The following PPP1R9A variants were observed in gnomAD, a reference collection of about 807,000 sequenced individuals.
PPP1R9A encodes protein phosphatase 1 regulatory subunit 9A, also known as neurabin-1.
PPP1R9A carries 59 observed loss-of-function variants against 141.9 expected under a neutral mutation model. That is an observed-to-expected ratio of 0.42 (90% confidence interval 0.34 to 0.52). PPP1R9A has a LOEUF of 0.52. Among genes scored for constraint, PPP1R9A ranks in the 20% least tolerant of loss-of-function variants. The probability of loss-of-function intolerance (pLI) is 0.10; values close to 1 mark genes in which losing one functional copy is unlikely to be tolerated. For synonymous variants in PPP1R9A, 500 were observed against 569.7 expected (o/e 0.88, Z 1.74); for missense variants, 1,444 against 1,611.9 (o/e 0.90, Z 1.78).
At chr7:95,289,370 A>T (rs1805973724) in intron 19 of PPP1R9A, among the ~76,000 whole-genome samples, 1 of 152,212 alleles carries the variant, frequency 6.6e-6, no homozygotes, top group South Asian at 2.1e-4. Flanking sequence ...TCTCTTGACA[A>T]TCTTGAAAAG....
chr7:95,272,980 C>T (rs1008761511), intron 14 of PPP1R9A, among the ~76,000 whole-genome samples: 1 of 152,172 alleles, frequency 6.6e-6, no homozygotes, highest in African/African-American at 2.4e-5. Flanking sequence ...ATTGGATATG[C>T]TGAAACGTGA....
At chr7:95,122,542 T>G (rs1421466651) in intron 4 of PPP1R9A, among the ~76,000 whole-genome samples, 3 of 152,206 alleles carry the variant, frequency 2.0e-5, no homozygotes, top group Non-Finnish European at 2.9e-5. Context: ...AAACCACACC[T>G]TATATCTTCT....
At chr7:95,029,900 A>G (rs919673712) in intron 2 of PPP1R9A, among the ~76,000 whole-genome samples, 2 of 152,180 alleles carry the variant, frequency 1.3e-5, no homozygotes, top group African/African-American at 2.4e-5. Context: ...TACATTTACT[A>G]AGTTTACATG....
intron 2 of PPP1R9A, among the ~76,000 whole-genome samples, chr7:95,063,966 T>C (rs2152095312): frequency 6.6e-6 from 1 of 152,324 alleles, no homozygotes; most frequent in South Asian, 2.1e-4. Flanking sequence ...CCTTATAAAT[T>C]TACTATAAAA....
intron 4 of PPP1R9A, among the ~76,000 whole-genome samples, chr7:95,125,979 T>C (rs1823498627): frequency 6.6e-6 from 1 of 152,160 alleles, no homozygotes; most frequent in African/African-American, 2.4e-5. Context: ...GATGGAAACT[T>C]GTTTTAATTG....
chr7:94,968,580 T>C (rs1224699129), intron 2 of PPP1R9A, among the ~76,000 whole-genome samples: 1 of 152,190 alleles, frequency 6.6e-6, no homozygotes, highest in East Asian at 1.9e-4. Flanking sequence ...TTTGAGCCTA[T>C]GTGTGTCTTA....
intron 4 of PPP1R9A, among the ~76,000 whole-genome samples, chr7:95,143,419 CTTA>C (rs1006676448): frequency 1.3e-5 from 2 of 152,044 alleles, no homozygotes; most frequent in African/African-American, 4.8e-5. Flanking sequence ...AGATCTCAGA[CTTA>C]TTATACTGAT....
At chr7:95,069,062 T>A (rs545095530) in intron 2 of PPP1R9A, among the ~76,000 whole-genome samples, 2 of 152,302 alleles carry the variant, frequency 1.3e-5, no homozygotes, top group East Asian at 3.9e-4. Context: ...CCTAATGTGA[T>A]GTAAATGCTG....
intron 2 of PPP1R9A, among the ~76,000 whole-genome samples, chr7:94,954,698 GT>G (rs752435611): frequency 8.9e-5 from 13 of 145,744 alleles, no homozygotes; most frequent in East Asian, 4.0e-4. Context: ...ATTTCTGTTG[GT>G]TTTTTTTTTC....
At chr7:94,979,608 T>C (rs984554297) in intron 2 of PPP1R9A, among the ~76,000 whole-genome samples, 2 of 152,246 alleles carry the variant, frequency 1.3e-5, no homozygotes, top group Non-Finnish European at 2.9e-5. Context: ...TCTGTTATTA[T>C]CAAGGTCACC....
chr7:95,238,367 G>C (rs1018289713), intron 8 of PPP1R9A, among the ~76,000 whole-genome samples: 1 of 152,056 alleles, frequency 6.6e-6, no homozygotes, highest in East Asian at 1.9e-4. Flanking sequence ...GTGTCTAGGA[G>C]GTCTAAGCTT....
At chr7:95,210,456 G>A (rs1478188668) in intron 7 of PPP1R9A, among the ~76,000 whole-genome samples, 3 of 151,852 alleles carry the variant, frequency 2.0e-5, no homozygotes, top group African/African-American at 7.3e-5. Flanking sequence ...GCAATGAAGG[G>A]TGTGTTCAAA....
At position 95,268,596 on chromosome 7, in the gene PPP1R9A, A is replaced by G. The variant is rs769856357; in HGVS notation, c.2712A>G (p.Ala904=). The G allele has an allele frequency of 1.7e-5, 27 of 1,613,348 alleles. No homozygotes were observed. Among genetic ancestry groups the G allele is most frequent in the Middle Eastern group, 1.6e-4 (1 of 6,072 alleles). ...VPETERLDSK[A]LKTRAQLSVK... ...AGACAGAGCGCCTGGATTCAAAAGC[A>G]CTGAAAACTCGAGCCCAGCTCTCTG... is the stretch of plus-strand genomic sequence containing the variant. Residue 904 remains alanine (A), a synonymous_variant, in exon 13 of 20, where the codon GCA becomes GCG. Transcript: ENST00000433360.
intron 8 of PPP1R9A, among the ~76,000 whole-genome samples, chr7:95,227,424 T>C (rs1487159915): frequency 6.6e-6 from 1 of 152,190 alleles, no homozygotes; most frequent in Non-Finnish European, 1.5e-5. Context: ...ATTTTCAAAA[T>C]TGAGCTAAGG....
chr7:94,925,321 C>T (rs191859082), intron 2 of PPP1R9A, among the ~76,000 whole-genome samples: 97 of 152,276 alleles, frequency 6.4e-4, no homozygotes, highest in Middle Eastern at 3.4e-3. Flanking sequence ...TATTTAAAAA[C>T]ACCCCCACAG....
chr7:95,117,622 C>A (rs1348890765), intron 3 of PPP1R9A, among the ~76,000 whole-genome samples: 1 of 152,016 alleles, frequency 6.6e-6, no homozygotes, highest in Non-Finnish European at 1.5e-5. Context: ...ATTTAGAAAC[C>A]AAGAAGTAAT....
intron 2 of PPP1R9A, among the ~76,000 whole-genome samples, chr7:94,949,194 G>A (rs1796198458): frequency 6.6e-6 from 1 of 152,098 alleles, no homozygotes; most frequent in Non-Finnish European, 1.5e-5. Context: ...TGTGAGCTTG[G>A]CTGGGCTTAC....
At chr7:95,240,500 T>G (rs534913057) in intron 8 of PPP1R9A, among the ~76,000 whole-genome samples, 11 of 152,158 alleles carry the variant, frequency 7.2e-5, no homozygotes, top group Non-Finnish European at 1.6e-4. Flanking sequence ...CTGAGATTGT[T>G]TCTTAAATTT....
chr7:94,996,623 CCTT>C (rs1216587431), intron 2 of PPP1R9A, among the ~76,000 whole-genome samples: 6 of 152,194 alleles, frequency 3.9e-5, no homozygotes, highest in African/African-American at 1.2e-4. Flanking sequence ...CCTTTTGTGA[CCTT>C]CTCTTATTCT....
Sources: allele counts gnomAD v4.1 joint callset (sites outside exome capture counted in the v4.1 genomes callset), GRCh38; gene constraint gnomAD v4.1.1; transcripts MANE v1.5; gene names NCBI Gene and HGNC (gene_info 2026-07-23, HGNC 2026-07-21).